FARP1: variants seen among roughly 807,000 people sequenced by gnomAD.
The protein encoded by FARP1 is FERM, ARHGEF and pleckstrin domain-containing protein 1.
Under a neutral mutation model 128.8 loss-of-function variants are expected in FARP1, and 52 were observed. The ratio of observed to expected loss-of-function variants is 0.40; its 90% CI spans 0.32 to 0.51. The LOEUF is 0.51. Among genes scored for constraint, FARP1 ranks in the 20% least tolerant of loss-of-function variants. The probability of loss-of-function intolerance (pLI) is 0.45; values close to 1 mark genes in which losing one functional copy is unlikely to be tolerated. For missense variants in FARP1, 1,333 were observed against 1,367.9 expected (o/e 0.97, Z 0.40); for synonymous variants, 580 against 551.8 (o/e 1.05, Z -0.72).
intron 2 of FARP1, among the ~76,000 whole-genome samples, chr13:98,266,602 T>C (rs1323429377): frequency 2.0e-5 from 3 of 152,222 alleles, no homozygotes; most frequent in Non-Finnish European, 4.4e-5. Context: ...AAACTACTTT[T>C]GGCAGATTTC....
intron 1 of FARP1, among the ~76,000 whole-genome samples, chr13:98,187,478 C>T (rs1266220165): frequency 2.6e-5 from 4 of 152,064 alleles, no homozygotes; most frequent in African/African-American, 9.7e-5. Context: ...AGAATGTTGG[C>T]AGGTGGAGAT....
intron 2 of FARP1, among the ~76,000 whole-genome samples, chr13:98,316,224 C>A (rs760183948): frequency 5.3e-5 from 8 of 152,146 alleles, no homozygotes; most frequent in Non-Finnish European, 4.4e-5. Context: ...AACCAGCTGT[C>A]CCCTACTCTC....
intron 6 of FARP1, among the ~76,000 whole-genome samples, chr13:98,378,235 G>C (rs1377582899): frequency 4.6e-5 from 7 of 152,148 alleles, no homozygotes; most frequent in Non-Finnish European, 1.0e-4. Flanking sequence ...AACTTGTTCT[G>C]TCCTGTTCTT....
Position 98,165,710 on chromosome 13 carries a change from G to GTTTTTTTTTTTTTTTT in FARP1, c.-24+22236_-24+22251dup, listed in dbSNP as rs71111927. On this transcript the variant is annotated intron_variant, in intron 1 of 26. Transcript: ENST00000319562. ...AAAAAAAAAAACCCTTCCAGAAGGG[G>GTTTTTTTTTTTTTTTT]TTTTTTTTTTTTTTTTTTTTTTTTT... Among the ~76,000 whole-genome samples, 11 of 74,132 alleles carry GTTTTTTTTTTTTTTTT rather than the reference G, an allele frequency of 1.5e-4. 1 individual carries two copies. The highest frequency in any genetic ancestry group is 1.9e-4 in the Non-Finnish European group (8 of 42,338). 48.6% of individuals were successfully genotyped at this position (74,132 alleles called of 152,430 possible).
intron 2 of FARP1, among the ~76,000 whole-genome samples, chr13:98,293,281 G>A (rs1388754103): frequency 6.6e-6 from 1 of 152,158 alleles, no homozygotes; most frequent in African/African-American, 2.4e-5. Flanking sequence ...AAGCTAAGGA[G>A]GTCTGTGAGA....
intron 3 of FARP1, 57 bp downstream of exon 3, chr13:98,343,923 C>A: frequency 1.8e-6 from 2 of 1,128,440 alleles, no homozygotes; most frequent in Non-Finnish European, 2.7e-6. Context: ...TGGTGGGGGG[C>A]TGGGCAGGGG....
chr13:98,382,636 C>G (rs1889927145), intron 6 of FARP1: 1 of 152,212 alleles, frequency 6.6e-6, no homozygotes, highest in South Asian at 2.1e-4. Flanking sequence ...CAAATCAACA[C>G]TCATGCGCTT....
chr13:98,202,290 CCTTTGCT>C (rs1273855869), intron 1 of FARP1, among the ~76,000 whole-genome samples: 2 of 152,158 alleles, frequency 1.3e-5, no homozygotes, highest in East Asian at 1.9e-4. Context: ...CGCCCTTTGC[CCTTTGCT>C]CTTTGCTCTC....
intron 2 of FARP1, among the ~76,000 whole-genome samples, chr13:98,322,049 G>A (rs1566876486): frequency 1.3e-5 from 2 of 152,188 alleles, no homozygotes; most frequent in Non-Finnish European, 2.9e-5. Flanking sequence ...TTTAGTCCCA[G>A]CACTCTGGAA....
At chr13:98,377,678 A>G in intron 5 of FARP1, 143 bp from the exon 6 acceptor site, 1 of 624,670 alleles carries the variant, frequency 1.6e-6, no homozygotes. Flanking sequence ...CACTGCAGTG[A>G]ATGGCAGCTG....
chr13:98,435,554 T>C (rs2139082944), intron 18 of FARP1, 22 bp from the exon 19 acceptor site: 1 of 1,590,300 alleles, frequency 6.3e-7, no homozygotes, highest in Non-Finnish European at 8.6e-7. Flanking sequence ...CGCTGCAGAC[T>C]GTGTATGTCT....
At chr13:98,241,252 G>T (rs1415988343) in intron 2 of FARP1, among the ~76,000 whole-genome samples, 3 of 152,218 alleles carry the variant, frequency 2.0e-5, no homozygotes, top group Non-Finnish European at 1.5e-5. Flanking sequence ...GGTCCTTGGG[G>T]TGCTGCTGGC....
At chr13:98,256,951 A>ATATATATATATATATATATG (rs1883632711) in intron 2 of FARP1, among the ~76,000 whole-genome samples, 1 of 31,700 alleles carries the variant, frequency 3.2e-5, no homozygotes, top group Non-Finnish European at 4.9e-5. Context: ...ATATGTGGAT[A>ATATATATATATATATATATG]TATATATATA....
intron 2 of FARP1, among the ~76,000 whole-genome samples, chr13:98,260,132 C>A (rs1035136916): frequency 1.1e-4 from 17 of 152,068 alleles, no homozygotes; most frequent in African/African-American, 4.1e-4. Flanking sequence ...TGGGTAAATA[C>A]AAGTTTTAAA....
intron 2 of FARP1, among the ~76,000 whole-genome samples, chr13:98,321,896 G>A (rs189688972): frequency 2.2e-4 from 34 of 152,366 alleles, no homozygotes; most frequent in African/African-American, 7.2e-4. Flanking sequence ...GATCTGCCAC[G>A]TAATAGCTGG....
intron 8 of FARP1, among the ~76,000 whole-genome samples, chr13:98,386,455 A>G (rs763834264): frequency 7.9e-5 from 12 of 152,178 alleles, no homozygotes; most frequent in African/African-American, 1.2e-4. Context: ...TCATTGATCA[A>G]TGCTTCTCTC....
intron 16 of FARP1, among the ~76,000 whole-genome samples, chr13:98,421,126 A>G (rs1891577628): frequency 6.6e-6 from 1 of 152,234 alleles, no homozygotes; most frequent in African/African-American, 2.4e-5. Flanking sequence ...AGGGATTTGC[A>G]TCTTCCAACT....
upstream of FARP1, chr13:98,143,015 C>T (rs1875154803): frequency 6.7e-6 from 1 of 148,434 alleles, no homozygotes; most frequent in Non-Finnish European, 1.5e-5. Flanking sequence ...TCTCCCGCGT[C>T]CCCGCTGCTC....
intron 2 of FARP1, among the ~76,000 whole-genome samples, chr13:98,336,250 C>T (rs143266070): frequency 3.2e-4 from 49 of 151,988 alleles, no homozygotes; most frequent in African/African-American, 9.9e-4. Flanking sequence ...TGTTTTTGTT[C>T]GTTTGTTTGT....
Sources: gnomAD v4.1 joint callset for allele counts (sites outside exome capture counted in the v4.1 genomes callset) on GRCh38, gnomAD v4.1.1 for gene constraint, MANE v1.5 for transcripts, NCBI Gene and HGNC (gene_info 2026-07-23, HGNC 2026-07-21) for gene names.